The following M1AP variants were observed in gnomAD, a reference collection of about 807,000 sequenced individuals.
The protein encoded by M1AP is meiosis 1 arrest protein.
In M1AP, 39 loss-of-function variants were observed where a neutral mutation model predicts 51.2. That is an observed-to-expected ratio of 0.76 (90% CI 0.59 to 1.00). The LOEUF is 1.00. Among genes scored for constraint, M1AP ranks in the 50% least tolerant of loss-of-function variants. M1AP has a pLI of 0.00. For missense variants in M1AP, 545 were observed against 641.2 expected (o/e 0.85, Z 1.62); for synonymous variants, 251 against 249.2 (o/e 1.01, Z -0.07).
At chr2:74,594,712 A>G (rs1297353501) in intron 4 of M1AP, among the ~76,000 whole-genome samples, 4 of 151,806 alleles carry the variant, frequency 2.6e-5, no homozygotes, top group Non-Finnish European at 5.9e-5. Flanking sequence ...CATCTCTACA[A>G]AAAAAATTAC....
At chr2:74,639,633 A>G (rs1048448658) in intron 2 of M1AP, among the ~76,000 whole-genome samples, 1 of 152,242 alleles carries the variant, frequency 6.6e-6, no homozygotes, top group African/African-American at 2.4e-5. Context: ...ACCTGGGTTA[A>G]AGGGCAAGTC....
chr2:74,603,255 A>G (rs1558673561), intron 4 of M1AP, among the ~76,000 whole-genome samples: 2 of 152,218 alleles, frequency 1.3e-5, no homozygotes, highest in African/African-American at 2.4e-5. Context: ...CAACAAATAT[A>G]TACTGATAAT....
At position 74,599,701 on chromosome 2, in the gene M1AP, T is replaced by C. The variant is rs183967210; in HGVS notation, c.595+7354A>G. On this transcript the variant is annotated intron_variant, in intron 4 of 10. Coordinates refer to ENST00000421985, the MANE Select transcript of M1AP (RefSeq NM_001321739.2). ...TGGTAAGGCAAACCCCTGGCCCTAA[T>C]ATGTATCTTTACTTCTAAAATATAG... Among the ~76,000 whole-genome samples the C allele has an allele frequency of 3.4e-3, 523 of 152,306 alleles. 2 individuals carry two copies. The highest frequency in any genetic ancestry group is 0.012 in the African/African-American group (505 of 41,570).
intron 7 of M1AP, among the ~76,000 whole-genome samples, chr2:74,574,716 C>T (rs574666720): frequency 5.9e-5 from 9 of 152,320 alleles, no homozygotes; most frequent in African/African-American, 2.2e-4. Flanking sequence ...ACCTCTCCAA[C>T]CCTACCTTTT....
rs1683215546 is a variant in M1AP, at chr2:74,640,245, G to A, written c.31C>T (p.Pro11Ser). Residue 11 changes from proline (P) to serine (S), a missense_variant, in exon 2 of 11, where the codon CCC becomes TCC. Coordinates refer to ENST00000421985, the MANE Select transcript of M1AP (RefSeq NM_001321739.2). Reference sequence around the variant, plus strand: ...TGGTCAATCTGAGTGTGAGTAGAGGGCCCTTTACCAGTAGTTCGCCCAGGA... The same window carrying A: ...TGGTCAATCTGAGTGTGAGTAGAGGACCCTTTACCAGTAGTTCGCCCAGGA... MHPGRTTGKGPSTHTQIDQQP... is the reference protein window; with the variant it reads MHPGRTTGKGSSTHTQIDQQP... The A allele has an allele frequency of 1.2e-6, 2 of 1,613,882 alleles. No homozygotes were observed. Among genetic ancestry groups the A allele is most frequent in the African/African-American group, 2.7e-5 (2 of 74,892 alleles).
At chr2:74,621,581 C>T (rs1011775251) in intron 2 of M1AP, among the ~76,000 whole-genome samples, 2 of 148,872 alleles carry the variant, frequency 1.3e-5, no homozygotes, top group African/African-American at 5.0e-5. Flanking sequence ...GTCAGGAGAT[C>T]GAGACCATCC....
intron 8 of M1AP, 158 bp downstream of exon 8, chr2:74,562,059 T>G (rs1429127042): frequency 1.0e-6 from 1 of 985,334 alleles, no homozygotes; most frequent in Non-Finnish European, 1.2e-6. Flanking sequence ...ACTTCCTTCT[T>G]CTGGCATAAT....
At chr2:74,584,952 C>T (rs1679621810) in intron 4 of M1AP, among the ~76,000 whole-genome samples, 1 of 151,798 alleles carries the variant, frequency 6.6e-6, no homozygotes, top group South Asian at 2.1e-4. Flanking sequence ...AAGTGACTCT[C>T]CTGCCTCGGC....
In M1AP at chr2:74,607,159, T is replaced by C. The variant is rs772132074; in HGVS notation, c.491A>G (p.Asp164Gly). The C allele has an allele frequency of 3.7e-6, 6 of 1,614,080 alleles. No homozygotes were observed. Among genetic ancestry groups the C allele is most frequent in the Non-Finnish European group, 4.2e-6 (5 of 1,180,018 alleles). ...VVKQLEEGLK[D>G]TDLARVRRFQ... ...CCTCCTGACTCTGGCTAGGTCTGTATCTTTCAACCCTTCCTCCAACTGTTT... is the reference window on the plus strand; with the variant it reads ...CCTCCTGACTCTGGCTAGGTCTGTACCTTTCAACCCTTCCTCCAACTGTTT... Residue 164 changes from aspartate (D) to glycine (G), a missense_variant, in exon 4 of 11, where the codon GAT becomes GGT. Coordinates refer to ENST00000421985, the MANE Select transcript of M1AP (RefSeq NM_001321739.2).
At chr2:74,629,768 T>C (rs922914287) in intron 2 of M1AP, among the ~76,000 whole-genome samples, 1 of 151,882 alleles carries the variant, frequency 6.6e-6, no homozygotes, top group South Asian at 2.1e-4. Context: ...AAAAAATGTA[T>C]AAAATTACCT....
At chr2:74,560,768 G>A (rs1250517695) in intron 8 of M1AP, among the ~76,000 whole-genome samples, 4 of 152,100 alleles carry the variant, frequency 2.6e-5, no homozygotes, top group East Asian at 1.9e-4. Flanking sequence ...CAGGTTTTCC[G>A]GCCACAACAT....
chr2:74,565,014 A>G (rs1283781087), intron 7 of M1AP, among the ~76,000 whole-genome samples: 2 of 152,324 alleles, frequency 1.3e-5, no homozygotes, highest in African/African-American at 2.4e-5. Flanking sequence ...TGAGGTTAGG[A>G]GTTTGAGACC....
chr2:74,614,987 C>A lies in M1AP; in HGVS notation c.403G>T (p.Ala135Ser). 1 of 1,614,160 alleles carries A rather than the reference C, an allele frequency of 6.2e-7. No individual in the cohort carries two copies. The highest frequency in any genetic ancestry group is 2.2e-5 in the East Asian group (1 of 44,884). Residue 135 changes from alanine to serine, a missense_variant, in exon 3 of 11, where the codon GCT (alanine) becomes TCT (serine). Ala to Ser is a moderately conservative substitution (Grantham distance 99). Transcript: ENST00000421985. Reference protein sequence around the residue: ...QYSRHVTTRAALTYTSLEITI... With the variant: ...QYSRHVTTRASLTYTSLEITI... ...ACCTCCAGGGAGGTATAGGTCAGAG[C>A]TGCCCTTGTGGTCACATGTCTGCTG...
intron 4 of M1AP, among the ~76,000 whole-genome samples, chr2:74,588,133 C>A (rs578103177): frequency 6.6e-6 from 1 of 152,198 alleles, no homozygotes; most frequent in African/African-American, 2.4e-5. Flanking sequence ...AACCTCTAGG[C>A]CTGACCTGTT....
At chr2:74,619,961 C>T (rs1681906097) in intron 2 of M1AP, among the ~76,000 whole-genome samples, 2 of 152,168 alleles carry the variant, frequency 1.3e-5, no homozygotes, top group South Asian at 4.1e-4. Flanking sequence ...GAAACTCCCC[C>T]AGATACATCC....
chr2:74,584,709 C>G (rs1013811785), intron 4 of M1AP, among the ~76,000 whole-genome samples: 1 of 149,904 alleles, frequency 6.7e-6, no homozygotes, highest in Non-Finnish European at 1.5e-5. Context: ...ATAAAATCAA[C>G]CAGAATGGTG....
Position 74,640,265 on chromosome 2 carries a change from C to A in M1AP, c.11G>T (p.Gly4Val), listed in dbSNP as rs1432904710. Residue 4 changes from glycine (G) to valine (V), a missense_variant, in exon 2 of 11, where the codon GGG (glycine) becomes GTG (valine). Physicochemically the swap from Gly to Val is moderately radical, Grantham distance 109. Coordinates refer to ENST00000421985, the MANE Select transcript of M1AP (RefSeq NM_001321739.2). MHP[G>V]RTTGKGPSTH... ...AGAGGGCCCTTTACCAGTAGTTCGCCCAGGATGCATGGCAGCAAAACCAGA... is the reference window on the plus strand; with the variant it reads ...AGAGGGCCCTTTACCAGTAGTTCGCACAGGATGCATGGCAGCAAAACCAGA... 1.9e-6 allele frequency: 3 copies of A among 1,614,028 alleles called. No individual in the cohort carries two copies. Among genetic ancestry groups the A allele is most frequent in the Middle Eastern group, 1.6e-4 (1 of 6,062 alleles).
At chr2:74,627,874 C>A (rs531651237) in intron 2 of M1AP, among the ~76,000 whole-genome samples, 1 of 152,162 alleles carries the variant, frequency 6.6e-6, no homozygotes, top group African/African-American at 2.4e-5. Flanking sequence ...AAATCACTCA[C>A]TCTTACCATG....
chr2:74,641,716 T>C (rs1021738378), intron 1 of M1AP, among the ~76,000 whole-genome samples: 1 of 151,710 alleles, frequency 6.6e-6, no homozygotes, highest in Admixed American at 6.6e-5. Flanking sequence ...GCTCAAGTGA[T>C]CCACCTGCCT....
Sources: gnomAD v4.1 joint callset for allele counts (sites outside exome capture counted in the v4.1 genomes callset) on GRCh38, gnomAD v4.1.1 for gene constraint, MANE v1.5 for transcripts, NCBI Gene and HGNC (gene_info 2026-07-23, HGNC 2026-07-21) for gene names.